SRFBP1: variants seen among roughly 807,000 people sequenced by gnomAD.
The protein encoded by SRFBP1 is serum response factor-binding protein 1.
In SRFBP1, 47 loss-of-function variants were observed where a neutral mutation model predicts 45.5. The ratio of observed to expected loss-of-function variants is 1.03; its 90% CI spans 0.82 to 1.32. The LOEUF (loss-of-function observed/expected upper bound fraction) is 1.32. Among genes scored for constraint, SRFBP1 ranks in the 40% most tolerant of loss-of-function variants. The probability of loss-of-function intolerance (pLI) is 0.00; values close to 1 mark genes in which losing one functional copy is unlikely to be tolerated. For synonymous variants in SRFBP1, 203 were observed against 166.3 expected (o/e 1.22, Z -1.70); for missense variants, 621 against 484.6 (o/e 1.28, Z -2.64).
intron 4 of SRFBP1, among the ~76,000 whole-genome samples, chr5:122,005,621 T>C (rs913995740): frequency 2.0e-5 from 3 of 152,184 alleles, no homozygotes; most frequent in African/African-American, 7.2e-5. Flanking sequence ...CTATGTGTTA[T>C]GATTGGAGAA....
intron 1 of SRFBP1, among the ~76,000 whole-genome samples, chr5:121,964,232 CATGT>C (rs1187406027): frequency 1.3e-5 from 2 of 151,864 alleles, no homozygotes; most frequent in Non-Finnish European, 2.9e-5. Context: ...TTCTGGGGTA[CATGT>C]GCAGAACGTG....
At chr5:122,045,178 C>G (rs1753836134) in intron 2 of SRFBP1, among the ~76,000 whole-genome samples, 1 of 152,100 alleles carries the variant, frequency 6.6e-6, no homozygotes, top group East Asian at 1.9e-4. Context: ...ACATTTGTGG[C>G]ACTATTTCCA....
downstream of SRFBP1, chr5:122,077,324 G>T (rs754642286): frequency 8.1e-6 from 13 of 1,613,022 alleles, no homozygotes; most frequent in East Asian, 2.7e-4. The surrounding 1 kb of genome is among the most constrained non-coding windows in gnomAD (Gnocchi z 4.9). Context: ...CCAGGTGCAC[G>T]GGTGCTTCCA....
chr5:122,044,493 C>T (rs1055677327), intron 2 of SRFBP1, among the ~76,000 whole-genome samples: 1 of 152,074 alleles, frequency 6.6e-6, no homozygotes, highest in African/African-American at 2.4e-5. Context: ...CCCTTTTCTC[C>T]ACAACCTTGC....
At position 121,999,420 on chromosome 5, in the gene SRFBP1, T is replaced by G. The variant is rs1180808355; in HGVS notation, c.270+4750T>G. The stretch of plus-strand genomic sequence containing the variant: ...TCTTGGTAAATATTTCATGTGCACT[T>G]GAAGACAACATATATTCTTTTGGGA... On this transcript the variant is annotated intron_variant, in intron 4 of 7. Coordinates refer to ENST00000339397, the MANE Select transcript of SRFBP1 (RefSeq NM_152546.3). 2.0e-5 allele frequency among the ~76,000 whole-genome samples: 3 copies of G among 152,160 alleles called. No homozygotes were observed. The East Asian group carries it at 5.8e-4, about 29-fold the overall frequency.
intron 2 of SRFBP1, among the ~76,000 whole-genome samples, chr5:122,072,554 A>G (rs899428463): frequency 5.9e-5 from 9 of 152,226 alleles, no homozygotes; most frequent in African/African-American, 2.2e-4. Flanking sequence ...ACCTAGTTTT[A>G]TGCTTGAATA....
At chr5:121,974,962 A>T (rs1274214825) in intron 2 of SRFBP1, among the ~76,000 whole-genome samples, 1 of 151,938 alleles carries the variant, frequency 6.6e-6, no homozygotes, top group Non-Finnish European at 1.5e-5. Context: ...ATAAAATTAT[A>T]GTCAAACTCT....
intron 4 of SRFBP1, among the ~76,000 whole-genome samples, chr5:122,014,793 A>G (rs573209533): frequency 1.5e-4 from 23 of 152,332 alleles, no homozygotes; most frequent in South Asian, 6.2e-4. Flanking sequence ...TAGACATGCA[A>G]GTATTACCAC....
chr5:121,980,433 C>CTGTA (rs1351896666), intron 3 of SRFBP1, among the ~76,000 whole-genome samples: 1 of 152,114 alleles, frequency 6.6e-6, no homozygotes, highest in East Asian at 1.9e-4. Flanking sequence ...TGTGAATATC[C>CTGTA]TGTAGTCTTT....
chr5:121,993,066 A>G (rs966444289), intron 3 of SRFBP1, among the ~76,000 whole-genome samples: 3 of 152,134 alleles, frequency 2.0e-5, no homozygotes, highest in African/African-American at 2.4e-5. Flanking sequence ...TAGTCCAACA[A>G]ATTCACAGCC....
chr5:121,999,613 G>A lies in SRFBP1; in HGVS notation c.270+4943G>A, dbSNP rs180704690. Among the ~76,000 whole-genome samples, 385 of 151,988 alleles carry A rather than the reference G, an allele frequency of 2.5e-3. 3 individuals carry two copies. The highest frequency in any genetic ancestry group is 8.4e-3 in the African/African-American group (350 of 41,496). On this transcript the variant is annotated intron_variant, in intron 4 of 7. Coordinates refer to ENST00000339397, the MANE Select transcript of SRFBP1 (RefSeq NM_152546.3). ...TGTCACTTTTTGCCATATGCATTTT[G>A]AAACATGTATGTTAGATATGTAAAC...
At chr5:122,045,734 A>G (rs1368995100) in intron 2 of SRFBP1, among the ~76,000 whole-genome samples, 1 of 152,124 alleles carries the variant, frequency 6.6e-6, no homozygotes, top group Non-Finnish European at 1.5e-5. Flanking sequence ...GAAGGTCTTT[A>G]TCATATTGAG....
chr5:122,027,192 A>G lies in SRFBP1; in HGVS notation c.*66A>G. 5 of 1,330,066 alleles carry G rather than the reference A, an allele frequency of 3.8e-6. No individual in the cohort carries two copies. Among genetic ancestry groups the G allele is most frequent in the Non-Finnish European group, 5.2e-6 (5 of 965,694 alleles). The allele number at this position is 1,330,066 out of a possible 1,614,324, so 82.4% of individuals were successfully genotyped here. A position where few individuals can be genotyped will look rare whatever the true frequency, so the allele number is the denominator to read the frequency against. ...AATGTTTTTTTTAAGACAGGATCTC[A>G]TTCTGTTGCCCAGACTAGAGTACAA... On this transcript the variant is annotated 3_prime_UTR_variant, in exon 8 of 8. Transcript: ENST00000339397.
At chr5:122,029,688 A>C (rs1753559677), downstream of SRFBP1, among the ~76,000 whole-genome samples, 1 of 152,160 alleles carries the variant, frequency 6.6e-6, no homozygotes, top group South Asian at 2.1e-4. Flanking sequence ...GTATACTTGT[A>C]GCACTCAAAC....
At chr5:122,007,650 C>G (rs1753006215) in intron 4 of SRFBP1, among the ~76,000 whole-genome samples, 1 of 150,840 alleles carries the variant, frequency 6.6e-6, no homozygotes, top group Non-Finnish European at 1.5e-5. Flanking sequence ...GGTCCTGCAC[C>G]CTGGGTCTGT....
intron 2 of SRFBP1, among the ~76,000 whole-genome samples, chr5:122,055,127 G>C (rs1754057342): frequency 6.6e-6 from 1 of 152,180 alleles, no homozygotes; most frequent in South Asian, 2.1e-4. Flanking sequence ...TCTGGAGGCT[G>C]GGAAGTACAA....
At chr5:121,992,093 C>A (rs1752632941) in intron 3 of SRFBP1, among the ~76,000 whole-genome samples, 1 of 151,986 alleles carries the variant, frequency 6.6e-6, no homozygotes, top group African/African-American at 2.4e-5. Flanking sequence ...CAAATTACGA[C>A]AAATTTAGTG....
At position 122,033,819 on chromosome 5, in the gene SRFBP1, GT is replaced by G. The variant is rs1240048813; in HGVS notation, n.311+11434del. 6.8e-3 allele frequency among the ~76,000 whole-genome samples: 780 copies of G among 114,476 alleles called. 3 individuals carry two copies. The highest frequency in any genetic ancestry group is 0.026 in the African/African-American group (698 of 27,300). 75.1% of individuals were successfully genotyped at this position (114,476 alleles called of 152,430 possible). ...GACCTTAGATATTCTTTTATTTTCAGTTTTTTTTTTTTTTTTTTTTTTGAGA... is the reference window on the plus strand; with the variant it reads ...GACCTTAGATATTCTTTTATTTTCAGTTTTTTTTTTTTTTTTTTTTTGAGA... On this transcript the variant is annotated intron_variant and non_coding_transcript_variant, in intron 2 of 2. Transcript: ENST00000504881.
At chr5:122,016,573 C>T (rs1046113403) in intron 4 of SRFBP1, among the ~76,000 whole-genome samples, 2 of 152,062 alleles carry the variant, frequency 1.3e-5, no homozygotes, top group Non-Finnish European at 2.9e-5. Context: ...ATATTGTTTT[C>T]AGTCTTCTTA....
Sources: allele counts gnomAD v4.1 joint callset (sites outside exome capture counted in the v4.1 genomes callset), GRCh38; gene constraint gnomAD v4.1.1; non-coding constraint Gnocchi (gnomAD v3.1); transcripts MANE v1.5; gene names NCBI Gene and HGNC (gene_info 2026-07-23, HGNC 2026-07-21).